PHYKPL: variants seen among roughly 807,000 people sequenced by gnomAD.
PHYKPL encodes the protein 5-phosphohydroxy-L-lysine phospho-lyase.
Under a neutral mutation model 51.3 loss-of-function variants are expected in PHYKPL, and 42 were observed. The observed-to-expected ratio is 0.82, with a 90% CI of 0.64 to 1.06. PHYKPL has a LOEUF of 1.06. Among genes scored for constraint, PHYKPL ranks in the 50% least tolerant of loss-of-function variants. The pLI, the probability that PHYKPL is intolerant of heterozygous loss-of-function variation, is 0.00. For missense variants in PHYKPL, 655 were observed against 586.6 expected, an observed-to-expected ratio of 1.12 and a Z score of -1.20; for synonymous variants, 264 against 236.0, an observed-to-expected ratio of 1.12 and a Z score of -1.09.
At chr5:178,215,655 C>A in intron 8 of PHYKPL, 1 of 554,178 alleles carries the variant, frequency 1.8e-6, no homozygotes, top group Non-Finnish European at 3.1e-6. Flanking sequence ...TCAGGTATCC[C>A]TGAAGTACAG....
At chr5:178,224,397 C>T (rs367548653) in intron 6 of PHYKPL, 51 bp downstream of exon 6, 101 of 1,489,334 alleles carry the variant, frequency 6.8e-5, no homozygotes, top group Non-Finnish European at 8.5e-5. Flanking sequence ...GCGGTGACAA[C>T]GGAGGTGACA....
rs1369138475 is a variant in PHYKPL at position 178,208,524 on chromosome 5, G to A, written c.*423C>T. ...GGTTATATTCAGTATTTTTAATTTA[G>A]TAGGATAGAATATATCAGATTGCAT... On this transcript the variant is annotated 3_prime_UTR_variant, in exon 13 of 13. Coordinates refer to ENST00000308158, the MANE Select transcript of PHYKPL (RefSeq NM_153373.4). The A allele has an allele frequency of 6.6e-6, 1 of 152,172 alleles. No individual in the cohort carries two copies. Among genetic ancestry groups the A allele is most frequent in the African/African-American group, 2.4e-5 (1 of 41,430 alleles). The allele number at this position is 152,172 out of a possible 1,614,324, so 9.4% of individuals were successfully genotyped here. A position where few individuals can be genotyped will look rare whatever the true frequency, so the allele number is the denominator to read the frequency against.
At chr5:178,232,355 G>A (rs527801989) in intron 1 of PHYKPL, 137 bp downstream of exon 1, 8 of 1,285,926 alleles carry the variant, frequency 6.2e-6, no homozygotes, top group Admixed American at 8.4e-5. Context: ...CGGGGCCGGG[G>A]CAGCGGCCGG....
intron 12 of PHYKPL, chr5:178,209,308 C>T (rs1168181844): frequency 6.2e-7 from 1 of 1,602,736 alleles, no homozygotes. Flanking sequence ...ACTGGCCTGA[C>T]CACTGTCCTC....
chr5:178,231,605 C>A (rs1561755334), intron 1 of PHYKPL, 82 bp from the exon 2 acceptor site: 3 of 1,602,922 alleles, frequency 1.9e-6, no homozygotes, highest in Non-Finnish European at 2.6e-6. Flanking sequence ...CCCGCCCACC[C>A]CTTCCCAGTT....
intron 6 of PHYKPL, chr5:178,223,272 C>T (rs1761573646): frequency 8.4e-5 from 36 of 429,136 alleles, no homozygotes; most frequent in South Asian, 6.4e-4. Context: ...AAGGATTCTA[C>T]CTCAGCCCCC....
At position 178,208,946 on chromosome 5, in the gene PHYKPL, T is replaced by A. The variant is rs1281174045; in HGVS notation, c.*32-31A>T. On this transcript the variant is annotated intron_variant, in intron 12 of 12. Coordinates refer to ENST00000308158, the MANE Select transcript of PHYKPL (RefSeq NM_153373.4). ...AAGAGAAAAAGATGTTAAAACCTCATTGTCTAAGGCCCCTCATCTGAGAAG... is the reference window on the plus strand; with the variant it reads ...AAGAGAAAAAGATGTTAAAACCTCAATGTCTAAGGCCCCTCATCTGAGAAG... 3 of 169,046 alleles carry A rather than the reference T, an allele frequency of 1.8e-5. No individual in the cohort carries two copies. The East Asian group carries it at 4.9e-4, about 28-fold the overall frequency. 10.5% of individuals were successfully genotyped at this position (169,046 alleles called of 1,614,324 possible). A position where few individuals can be genotyped will look rare whatever the true frequency, so the allele number is the denominator to read the frequency against.
At chr5:178,212,057 A>AGTT (rs1173929349) in intron 11 of PHYKPL, 87 bp from the exon 12 acceptor site, 1 of 1,450,172 alleles carries the variant, frequency 6.9e-7, no homozygotes, top group African/African-American at 1.4e-5. Context: ...ACTGGAGGAC[A>AGTT]GTTTAGAGAT....
intron 8 of PHYKPL, among the ~76,000 whole-genome samples, chr5:178,218,172 G>A (rs1339416086): frequency 3.7e-5 from 4 of 109,458 alleles, no homozygotes; most frequent in South Asian, 3.1e-4. Flanking sequence ...AGTCGAGATC[G>A]CGCCACTGCA....
downstream of PHYKPL, among the ~76,000 whole-genome samples, chr5:178,207,491 T>A (rs1171535203): frequency 6.6e-6 from 1 of 152,160 alleles, no homozygotes; most frequent in East Asian, 1.9e-4. Context: ...AGTAGCCTCT[T>A]TAGCTCCTCA....
intron 8 of PHYKPL, among the ~76,000 whole-genome samples, chr5:178,218,188 G>A (rs1330698890): frequency 7.0e-5 from 8 of 115,080 alleles, no homozygotes; most frequent in Non-Finnish European, 1.1e-4. Flanking sequence ...CTGCACTCCA[G>A]CCTGGGTGAC....
At chr5:178,226,311 C>T (rs1008865857) in intron 3 of PHYKPL, among the ~76,000 whole-genome samples, 12 of 151,646 alleles carry the variant, frequency 7.9e-5, no homozygotes, top group African/African-American at 2.9e-4. Context: ...TCCTGATCCA[C>T]CCGCCTCGGC....
intron 1 of PHYKPL, chr5:178,231,830 C>CT (rs1214571911): frequency 7.3e-7 from 1 of 1,362,650 alleles, no homozygotes; most frequent in Admixed American, 2.2e-5. Context: ...GAAAAGGTGG[C>CT]TGCCCCGTCC....
intron 6 of PHYKPL, chr5:178,223,558 T>TC (rs1761643581): frequency 2.2e-6 from 1 of 449,574 alleles, no homozygotes; most frequent in Non-Finnish European, 4.5e-6. Context: ...GGGATACTGG[T>TC]CCCCCACACC....
At chr5:178,213,373 A>G (rs1759050303) in intron 10 of PHYKPL, among the ~76,000 whole-genome samples, 1 of 152,206 alleles carries the variant, frequency 6.6e-6, no homozygotes. Flanking sequence ...CAAGCCAAGA[A>G]TGAATGGCCA....
chr5:178,209,348 C>T, intron 12 of PHYKPL: 1 of 1,614,160 alleles, frequency 6.2e-7, no homozygotes, highest in Non-Finnish European at 8.5e-7. Flanking sequence ...CAAGGTGGCC[C>T]AGCCCAAAGA....
intron 3 of PHYKPL, among the ~76,000 whole-genome samples, chr5:178,228,862 T>C (rs368170749): frequency 2.0e-5 from 3 of 152,202 alleles, no homozygotes; most frequent in African/African-American, 4.8e-5. Flanking sequence ...CATCGTTTCC[T>C]GATTAAAGCC....
At chr5:178,222,686 G>T in intron 7 of PHYKPL, 106 bp from the exon 8 acceptor site, 1 of 1,372,272 alleles carries the variant, frequency 7.3e-7, no homozygotes. Context: ...GCAGTAAGGT[G>T]GGGACCTTGG....
intron 10 of PHYKPL, among the ~76,000 whole-genome samples, chr5:178,214,332 C>G (rs928487368): frequency 2.0e-5 from 3 of 152,102 alleles, no homozygotes; most frequent in Non-Finnish European, 2.9e-5. Flanking sequence ...TGAGACACCC[C>G]CGACCCAGCT....
Sources: allele counts gnomAD v4.1 joint callset (sites outside exome capture counted in the v4.1 genomes callset), GRCh38; gene constraint gnomAD v4.1.1; transcripts MANE v1.5; gene names NCBI Gene and HGNC (gene_info 2026-07-23, HGNC 2026-07-21).